The following AP3B1 variants were observed in gnomAD, a reference collection of about 807,000 sequenced individuals.
The protein encoded by AP3B1 is adaptor related protein complex 3 subunit beta 1.
AP3B1 carries 61 observed loss-of-function variants against 132.5 expected under a neutral mutation model. That is an observed-to-expected ratio of 0.46 (90% confidence interval 0.37 to 0.57). The LOEUF is 0.57. Ranked by LOEUF, AP3B1 falls within the 20% of genes least tolerant of loss-of-function variation. The pLI is 0.00. For synonymous variants in AP3B1, 388 were observed against 438.3 expected (o/e 0.89, Z 1.43); for missense variants, 1,120 against 1,289.4 (o/e 0.87, Z 2.01).
chr5:78,011,722 T>G (rs746530518), intron 26 of AP3B1, among the ~76,000 whole-genome samples: 16 of 152,202 alleles, frequency 1.1e-4, no homozygotes, highest in African/African-American at 3.6e-4. Flanking sequence ...TAATAAAGGT[T>G]CACTTTTCCT....
rs189725593 is a variant in AP3B1 at position 78,121,524 on chromosome 5, T to C, written c.1969-5290A>G. On this transcript the variant is annotated intron_variant, in intron 17 of 26. Transcript: ENST00000255194. ...ATGATAAAAGGGATATCACCACTGA[T>C]CCCACAGAAATACAAACTACCATCA... is the stretch of plus-strand genomic sequence containing the variant. 3.1e-3 allele frequency among the ~76,000 whole-genome samples: 476 copies of C among 152,196 alleles called. 1 individual carries two copies. The highest frequency in any genetic ancestry group is 0.011 in the African/African-American group (445 of 41,522).
At chr5:78,031,919 C>G (rs1322397517) in intron 24 of AP3B1, among the ~76,000 whole-genome samples, 1 of 152,174 alleles carries the variant, frequency 6.6e-6, no homozygotes, top group Non-Finnish European at 1.5e-5. Context: ...TAGCACTAAG[C>G]TGTGTGACTT....
chr5:78,019,258 T>C (rs1232768450), intron 25 of AP3B1, among the ~76,000 whole-genome samples: 1 of 152,104 alleles, frequency 6.6e-6, no homozygotes, highest in Non-Finnish European at 1.5e-5. Flanking sequence ...TAAGGTTCTG[T>C]ATGGCTAGTC....
intron 22 of AP3B1, among the ~76,000 whole-genome samples, chr5:78,062,608 G>A (rs1207104036): frequency 6.6e-6 from 1 of 152,124 alleles, no homozygotes; most frequent in African/African-American, 2.4e-5. Context: ...TAAGCTTACT[G>A]TGTTAGAAAT....
chr5:78,015,372 G>C (rs1280614133), intron 26 of AP3B1, 38 bp downstream of exon 26: 4 of 1,606,296 alleles, frequency 2.5e-6, no homozygotes, highest in Non-Finnish European at 3.4e-6. Context: ...ACATATTCAA[G>C]TCATCTTCAC....
intron 7 of AP3B1, among the ~76,000 whole-genome samples, chr5:78,188,371 T>G (rs1744689435): frequency 6.6e-6 from 1 of 152,014 alleles, no homozygotes; most frequent in Admixed American, 6.6e-5. Flanking sequence ...TACAAGAAAC[T>G]TAAGCAAATT....
intron 24 of AP3B1, among the ~76,000 whole-genome samples, chr5:78,021,389 A>G (rs1434708669): frequency 6.6e-6 from 1 of 152,186 alleles, no homozygotes; most frequent in Non-Finnish European, 1.5e-5. Flanking sequence ...TTCAAATGAC[A>G]GGATATGAAG....
chr5:78,180,849 G>A lies in AP3B1; in HGVS notation c.942+658C>T, dbSNP rs114161514. On this transcript the variant is annotated intron_variant, in intron 8 of 26. Transcript: ENST00000255194. ...ATGTGATGTTTTAATTTTCTTTTTA[G>A]TTTTGCTAGCCTGTAATTTCTAATT... 2.4e-3 allele frequency among the ~76,000 whole-genome samples: 370 copies of A among 151,794 alleles called. 1 individual carries two copies. Among genetic ancestry groups the A allele is most frequent in the Admixed American group, 8.4e-3 (128 of 15,250 alleles).
At chr5:78,167,394 C>T (rs183650030) in intron 11 of AP3B1, among the ~76,000 whole-genome samples, 31 of 152,046 alleles carry the variant, frequency 2.0e-4, no homozygotes, top group African/African-American at 4.6e-4. Context: ...TTGGTGGGAA[C>T]GTAAACTAGT....
At position 78,034,344 on chromosome 5, in the gene AP3B1, A is replaced by G; in HGVS notation, c.2894+17T>C. 1 of 1,590,074 alleles carries G rather than the reference A, an allele frequency of 6.3e-7. No individual in the cohort carries two copies. Among genetic ancestry groups the G allele is most frequent in the Non-Finnish European group, 8.6e-7 (1 of 1,158,340 alleles). ...CTTTACAGGTTATATAAAAAATAGA[A>G]GAACAATTGAACTTACCACAACTGG... On this transcript the variant is annotated intron_variant, in intron 24 of 26. Transcript: ENST00000255194.
intron 4 of AP3B1, 88 bp downstream of exon 4, chr5:78,228,056 A>T: frequency 1.2e-6 from 1 of 846,964 alleles, no homozygotes; most frequent in Non-Finnish European, 1.8e-6. Flanking sequence ...TGTGCTATTT[A>T]GTGGATTATC....
chr5:78,154,418 C>T (rs1743057932), intron 14 of AP3B1, among the ~76,000 whole-genome samples: 1 of 152,036 alleles, frequency 6.6e-6, no homozygotes, highest in Non-Finnish European at 1.5e-5. Context: ...TTAAATGTCT[C>T]GAGGTAGGCT....
chr5:78,067,156 A>T (rs1749326608), intron 22 of AP3B1, among the ~76,000 whole-genome samples: 1 of 152,332 alleles, frequency 6.6e-6, no homozygotes. Flanking sequence ...ACCAACAAAG[A>T]TCAAAAAAGA....
intron 7 of AP3B1, among the ~76,000 whole-genome samples, chr5:78,205,930 T>C (rs1277096360): frequency 6.6e-6 from 1 of 152,178 alleles, no homozygotes; most frequent in East Asian, 1.9e-4. Flanking sequence ...TATGAAAATG[T>C]ATGAAGTTAC....
intron 24 of AP3B1, 52 bp downstream of exon 24, chr5:78,034,309 A>T (rs1747703801): frequency 7.3e-7 from 1 of 1,374,712 alleles, no homozygotes; most frequent in African/African-American, 1.4e-5. Context: ...TTAGTTTTTG[A>T]TCTGCTATCC....
At chr5:78,209,020 A>T (rs1745625459) in intron 7 of AP3B1, among the ~76,000 whole-genome samples, 1 of 152,164 alleles carries the variant, frequency 6.6e-6, no homozygotes. Flanking sequence ...ATAGGAAGTC[A>T]ATACATAATG....
At chr5:78,211,964 C>G (rs377457201) in intron 7 of AP3B1, among the ~76,000 whole-genome samples, 1 of 152,142 alleles carries the variant, frequency 6.6e-6, no homozygotes, top group Admixed American at 6.5e-5. Flanking sequence ...TCTGATTGCC[C>G]TATGGCAAAT....
intron 7 of AP3B1, among the ~76,000 whole-genome samples, chr5:78,209,872 CT>C (rs1745661876): frequency 6.6e-6 from 1 of 151,840 alleles, no homozygotes; most frequent in Non-Finnish European, 1.5e-5. Flanking sequence ...TTAAAGTTTT[CT>C]TTTTTAAAAA....
intron 22 of AP3B1, among the ~76,000 whole-genome samples, chr5:78,064,247 T>A (rs906815653): frequency 6.6e-6 from 1 of 151,632 alleles, no homozygotes. Context: ...TCAATTTATA[T>A]GATTCCTTAA....
Sources: gnomAD v4.1 joint callset for allele counts (sites outside exome capture counted in the v4.1 genomes callset) on GRCh38, gnomAD v4.1.1 for gene constraint, MANE v1.5 for transcripts, NCBI Gene and HGNC (gene_info 2026-07-23, HGNC 2026-07-21) for gene names.